The following CLNK variants were observed in gnomAD, a reference collection of about 807,000 sequenced individuals.
CLNK encodes cytokine dependent hematopoietic cell linker.
A neutral mutation model predicts 68.6 loss-of-function variants in CLNK; 74 were observed. The observed-to-expected ratio is 1.08, with a 90% CI of 0.89 to 1.31. The LOEUF (loss-of-function observed/expected upper bound fraction) is 1.31. Ranked by LOEUF, CLNK falls within the 50% of genes most tolerant of loss-of-function variation. CLNK has a pLI of 0.00. For missense variants in CLNK, 553 were observed against 515.3 expected (o/e 1.07, Z -0.71); for synonymous variants, 198 against 172.2 (o/e 1.15, Z -1.17).
intron 1 of CLNK, among the ~76,000 whole-genome samples, chr4:10,683,553 T>C (rs1164912214): frequency 6.6e-6 from 1 of 152,202 alleles, no homozygotes; most frequent in Non-Finnish European, 1.5e-5. Context: ...CTGAACAACC[T>C]TGCACATATT....
chr4:10,679,333 A>C (rs1368020896), intron 1 of CLNK, among the ~76,000 whole-genome samples: 6 of 152,222 alleles, frequency 3.9e-5, no homozygotes, highest in African/African-American at 1.2e-4. Flanking sequence ...CTGAAACTGG[A>C]TCCCTTCCTT....
chr4:10,714,129 G>T, the CLNK span, among the ~76,000 whole-genome samples: 2 of 152,186 alleles, frequency 1.3e-5, no homozygotes, highest in African/African-American at 4.8e-5. Context: ...GCCAACCAGA[G>T]CCCCCTTCCC....
chr4:10,630,441 G>A (rs1411299355), intron 2 of CLNK, among the ~76,000 whole-genome samples: 1 of 152,210 alleles, frequency 6.6e-6, no homozygotes, highest in African/African-American at 2.4e-5. Flanking sequence ...TGAGCCAGAA[G>A]CTCAGAGTCG....
In CLNK at chr4:10,663,084, C is replaced by G. The variant is rs183650262; in HGVS notation, c.11+4775G>C. Among the ~76,000 whole-genome samples the G allele has an allele frequency of 3.2e-4, 48 of 152,330 alleles. No homozygotes were observed. In the East Asian group the frequency reaches 7.5e-3, roughly 24 times the overall value. On this transcript the variant is annotated intron_variant, in intron 2 of 18. Coordinates refer to ENST00000226951, the MANE Select transcript of CLNK (RefSeq NM_052964.4). ...GTGACTTTGTCTCTTCCAAAGCACT[C>G]AGAACCACAGCGTCAAGGTTCTTAT...
At chr4:10,496,006 C>T (rs61087641) in intron 18 of CLNK, among the ~76,000 whole-genome samples, 21,523 of 152,120 alleles carry the variant, frequency 0.14, 2,487 homozygotes, top group African/African-American at 0.31. Context: ...ATATTGGACT[C>T]CTGGCCTCCA....
the CLNK span, among the ~76,000 whole-genome samples, chr4:10,704,706 C>T: frequency 6.6e-6 from 1 of 152,168 alleles, no homozygotes; most frequent in African/African-American, 2.4e-5. Flanking sequence ...GGTCAAGCCC[C>T]CCTGTGCTCA....
chr4:10,650,933 C>CA (rs766846662), intron 2 of CLNK, among the ~76,000 whole-genome samples: 13 of 151,922 alleles, frequency 8.6e-5, no homozygotes, highest in African/African-American at 2.4e-4. Context: ...TTTATGCGGT[C>CA]AACAAACATG....
At chr4:10,590,989 TG>T (rs1305358654) in intron 3 of CLNK, among the ~76,000 whole-genome samples, 1 of 152,182 alleles carries the variant, frequency 6.6e-6, no homozygotes, top group Admixed American at 6.5e-5. Flanking sequence ...TTAGCCCTCT[TG>T]GGAGTGCCAC....
intron 2 of CLNK, among the ~76,000 whole-genome samples, chr4:10,653,145 A>G (rs1165451895): frequency 6.6e-6 from 1 of 152,182 alleles, no homozygotes; most frequent in Non-Finnish European, 1.5e-5. Flanking sequence ...AACAATGAGA[A>G]CACATGGACA....
At chr4:10,628,077 C>A (rs1184977634) in intron 2 of CLNK, among the ~76,000 whole-genome samples, 2 of 152,346 alleles carry the variant, frequency 1.3e-5, no homozygotes, top group East Asian at 1.9e-4. Flanking sequence ...CCCTCTTGGC[C>A]TCCTCCAATC....
intron 2 of CLNK, among the ~76,000 whole-genome samples, chr4:10,602,397 T>A (rs1470379409): frequency 6.6e-6 from 1 of 152,226 alleles, no homozygotes; most frequent in Non-Finnish European, 1.5e-5. Flanking sequence ...GATCTTGAGA[T>A]CAGATGATCT....
chr4:10,583,346 G>C (rs1233373867), intron 4 of CLNK, among the ~76,000 whole-genome samples: 1 of 152,036 alleles, frequency 6.6e-6, no homozygotes, highest in Non-Finnish European at 1.5e-5. Context: ...GAGTGCAGTG[G>C]GGTGATCTGG....
intron 2 of CLNK, among the ~76,000 whole-genome samples, chr4:10,598,346 G>A (rs972643142): frequency 1.3e-5 from 2 of 152,136 alleles, no homozygotes; most frequent in African/African-American, 4.8e-5. Flanking sequence ...TCATCAACAG[G>A]GTGACCTTGG....
At chr4:10,503,022 G>T (rs1717118062) in intron 17 of CLNK, among the ~76,000 whole-genome samples, 1 of 152,184 alleles carries the variant, frequency 6.6e-6, no homozygotes, top group African/African-American at 2.4e-5. Context: ...GGTTGTAAAA[G>T]ATTGAGAAAT....
intron 2 of CLNK, among the ~76,000 whole-genome samples, chr4:10,663,995 C>T (rs1484869877): frequency 6.6e-6 from 1 of 152,180 alleles, no homozygotes; most frequent in Non-Finnish European, 1.5e-5. Context: ...TCTTGGACTT[C>T]CCAGCTCCCA....
chr4:10,663,763 T>C lies in CLNK; in HGVS notation c.11+4096A>G, dbSNP rs962283389. On this transcript the variant is annotated intron_variant, in intron 2 of 18. Coordinates refer to ENST00000226951, the MANE Select transcript of CLNK (RefSeq NM_052964.4). ...TGTTTGTGAACCCCTTAACTTCATA[T>C]GTTGAAAGCTAATCACCAAGGTAAG... Among the ~76,000 whole-genome samples, 3 of 152,174 alleles carry C rather than the reference T, an allele frequency of 2.0e-5. No individual in the cohort carries two copies. In the South Asian group the frequency reaches 6.2e-4, roughly 32 times the overall value.
chr4:10,668,919 G>A (rs1330453825), intron 1 of CLNK, among the ~76,000 whole-genome samples: 1 of 152,174 alleles, frequency 6.6e-6, no homozygotes, highest in Admixed American at 6.5e-5. Flanking sequence ...ATATCTATCA[G>A]CTTCCCTGGG....
intron 2 of CLNK, among the ~76,000 whole-genome samples, chr4:10,656,325 C>T (rs2108885849): frequency 9.5e-6 from 1 of 105,294 alleles, no homozygotes; most frequent in South Asian, 3.3e-4. Flanking sequence ...ACGACAAATG[C>T]CTGACCAAAA....
intron 8 of CLNK, among the ~76,000 whole-genome samples, chr4:10,548,973 G>A (rs116954367): frequency 1.3e-5 from 2 of 152,224 alleles, no homozygotes; most frequent in Admixed American, 6.5e-5. Context: ...ACTCAAGATT[G>A]CCTTGGCCAC....
Sources: gnomAD v4.1 joint callset for allele counts (sites outside exome capture counted in the v4.1 genomes callset) on GRCh38, gnomAD v4.1.1 for gene constraint, MANE v1.5 for transcripts, NCBI Gene and HGNC (gene_info 2026-07-23, HGNC 2026-07-21) for gene names.